PLBD1: variants seen among roughly 807,000 people sequenced by gnomAD.
The protein encoded by PLBD1 is lysosomal leucine aminopeptidase.
Under a neutral mutation model 63.0 loss-of-function variants are expected in PLBD1, and 60 were observed. That is an observed-to-expected ratio of 0.95 (90% CI 0.77 to 1.18). The LOEUF is 1.18. PLBD1 is among the 50% of genes most tolerant of loss of function. The pLI is 0.00. For synonymous variants in PLBD1, 262 were observed against 248.0 expected (o/e 1.06, Z -0.53); for missense variants, 598 against 677.9 (o/e 0.88, Z 1.31).
intron 4 of PLBD1, among the ~76,000 whole-genome samples, chr12:14,537,889 TTTA>T: frequency 2.3e-4 from 1 of 4,306 alleles, no homozygotes; most frequent in East Asian, 0.25. Context: ...AGTCTCCTCC[TTTA>T]CCTGTTCTCC....
intron 6 of PLBD1, among the ~76,000 whole-genome samples, chr12:14,518,349 C>A (rs989778515): frequency 6.6e-6 from 1 of 152,158 alleles, no homozygotes; most frequent in Admixed American, 6.5e-5. Flanking sequence ...AACTTAAATT[C>A]TGCCTAATTC....
chr12:14,553,235 A>G lies in PLBD1; in HGVS notation c.293T>C (p.Ile98Thr). The G allele has an allele frequency of 6.2e-7, 1 of 1,613,978 alleles. No individual in the cohort carries two copies. The highest frequency in any genetic ancestry group is 8.5e-7 in the Non-Finnish European group (1 of 1,179,968). Reference protein sequence around the residue: ...YGSQTLSNEIIMFVAGFLEGY... With the variant: ...YGSQTLSNEITMFVAGFLEGY... ...CTCCAAAAAGCCAGCCACAAACATGATGATCTCATTGCTCAGGGTTTGAGA... is the reference window on the plus strand; with the variant it reads ...CTCCAAAAAGCCAGCCACAAACATGGTGATCTCATTGCTCAGGGTTTGAGA... The change falls in exon 2 of 11, where the codon ATC becomes ACC. Residue 98 changes from isoleucine to threonine, a missense_variant. Transcript: ENST00000240617.
intron 1 of PLBD1, among the ~76,000 whole-genome samples, chr12:14,560,229 T>A (rs1323653507): frequency 2.6e-5 from 4 of 152,144 alleles, no homozygotes; most frequent in Non-Finnish European, 5.9e-5. Context: ...GGAAAAAAAA[T>A]GTATAAAATA....
intron 6 of PLBD1, among the ~76,000 whole-genome samples, chr12:14,533,513 A>G (rs968072719): frequency 6.6e-5 from 10 of 152,228 alleles, no homozygotes; most frequent in Non-Finnish European, 1.2e-4. Context: ...GACCTTCTCC[A>G]TCACTACCTC....
intron 6 of PLBD1, among the ~76,000 whole-genome samples, chr12:14,523,520 A>C (rs576536924): frequency 6.6e-5 from 10 of 152,334 alleles, no homozygotes; most frequent in African/African-American, 2.4e-4. Context: ...CAAATAGTCA[A>C]AGCAATCTTG....
chr12:14,540,803 A>C lies in PLBD1; in HGVS notation c.519T>G (p.Tyr173Ter). The C allele has an allele frequency of 6.2e-7, 1 of 1,610,550 alleles. No homozygotes were observed. Among genetic ancestry groups the C allele is most frequent in the East Asian group, 2.2e-5 (1 of 44,812 alleles). The part of the protein sequence containing the change: ...GYVMAQIDGL[Y>*]VGAKKRAILE... ...ATATAGCCCTCTTCTTTGCTCCTAC[A>C]TAGAGGCCATCTATTTGTGCCATCA... Residue 173 changes from tyrosine (Y) to a stop codon, truncating the protein, a stop_gained, in exon 4 of 11, where the codon TAT (tyrosine) becomes TAG (stop). Transcript: ENST00000240617. LOFTEE classifies it high-confidence loss of function.
intron 6 of PLBD1, among the ~76,000 whole-genome samples, chr12:14,518,843 T>G (rs1317161537): frequency 6.6e-6 from 1 of 152,120 alleles, no homozygotes; most frequent in Non-Finnish European, 1.5e-5. Context: ...GAGAGATAAC[T>G]TACTTGGCCT....
chr12:14,566,994 C>A (rs1406567354), intron 1 of PLBD1, among the ~76,000 whole-genome samples: 1 of 151,988 alleles, frequency 6.6e-6, no homozygotes, highest in African/African-American at 2.4e-5. Flanking sequence ...ACTTGGGAAG[C>A]TGAGGGAGGA....
chr12:14,533,244 A>T (rs1945480951), intron 6 of PLBD1: 1 of 152,258 alleles, frequency 6.6e-6, no homozygotes, highest in Admixed American at 6.5e-5. Context: ...AAGTTGTAAC[A>T]TAAATGAGAC....
At chr12:14,517,544 C>A (rs1945346296) in intron 6 of PLBD1, among the ~76,000 whole-genome samples, 1 of 152,070 alleles carries the variant, frequency 6.6e-6, no homozygotes, top group Admixed American at 6.5e-5. Flanking sequence ...ATTGCCTTTG[C>A]ACCCAGTCCT....
At position 14,567,744 on chromosome 12, in the gene PLBD1, G is replaced by A. The variant is rs1945806963; in HGVS notation, c.-48C>T. On this transcript the variant is annotated 5_prime_UTR_variant, in exon 1 of 11. Transcript: ENST00000240617. Reference sequence around the variant, plus strand: ...TCTGCGGGATCAGGCGGCCGCGGTGGCCCGCGGTGGCAGAAGTTGCAAGAG... The same window carrying A: ...TCTGCGGGATCAGGCGGCCGCGGTGACCCGCGGTGGCAGAAGTTGCAAGAG... 3 of 1,382,932 alleles carry A rather than the reference G, an allele frequency of 2.2e-6. No homozygotes were observed. The highest frequency in any genetic ancestry group is 2.7e-4 in the Middle Eastern group (1 of 3,748). The allele number at this position is 1,382,932 out of a possible 1,614,324, so 85.7% of individuals were successfully genotyped here. A position where few individuals can be genotyped will look rare whatever the true frequency, so the allele number is the denominator to read the frequency against.
chr12:14,542,707 A>G (rs932557963), intron 2 of PLBD1, among the ~76,000 whole-genome samples: 5 of 152,210 alleles, frequency 3.3e-5, no homozygotes, highest in African/African-American at 4.8e-5. Context: ...ACATTTAACC[A>G]TAAATAATGT....
At chr12:14,553,169 C>T (rs1421194131) in intron 2 of PLBD1, 24 bp downstream of exon 2, 15 of 1,585,178 alleles carry the variant, frequency 9.5e-6, no homozygotes, top group Admixed American at 3.6e-5. Context: ...CTGGCAGTGG[C>T]TCTACCATGA....
intron 6 of PLBD1, among the ~76,000 whole-genome samples, chr12:14,533,759 A>C (rs1340045729): frequency 2.0e-5 from 3 of 152,248 alleles, no homozygotes; most frequent in Non-Finnish European, 4.4e-5. Context: ...AAAACAACTA[A>C]GCAAACTAAG....
chr12:14,562,091 C>A (rs1211574422), intron 1 of PLBD1, among the ~76,000 whole-genome samples: 1 of 152,182 alleles, frequency 6.6e-6, no homozygotes, highest in Non-Finnish European at 1.5e-5. Flanking sequence ...CAGAGCCAGC[C>A]TGTCTCTTTC....
intron 6 of PLBD1, among the ~76,000 whole-genome samples, chr12:14,516,447 C>T (rs993462386): frequency 6.6e-6 from 1 of 152,098 alleles, no homozygotes; most frequent in Non-Finnish European, 1.5e-5. Flanking sequence ...ATTCAGTATG[C>T]TAGGATGGTC....
intron 4 of PLBD1, among the ~76,000 whole-genome samples, chr12:14,539,804 T>G (rs1406050307): frequency 6.7e-6 from 1 of 149,690 alleles, no homozygotes; most frequent in Non-Finnish European, 1.5e-5. Context: ...AAAGTTAGAG[T>G]CTTACTGTAT....
rs115324421 is a variant in PLBD1, at chr12:14,562,413, T to C, written c.115+5169A>G. ...AGGTGGAGGTCACAGTGAGTTGAGATTGCAGCACTGCGGTCCAGCCTGAGT... is the reference window on the plus strand; with the variant it reads ...AGGTGGAGGTCACAGTGAGTTGAGACTGCAGCACTGCGGTCCAGCCTGAGT... On this transcript the variant is annotated intron_variant, in intron 1 of 10. Coordinates refer to ENST00000240617, the MANE Select transcript of PLBD1 (RefSeq NM_024829.6). 5.3e-3 allele frequency among the ~76,000 whole-genome samples: 785 copies of C among 148,604 alleles called. 7 individuals carry two copies. The highest frequency in any genetic ancestry group is 0.019 in the African/African-American group (761 of 40,282).
chr12:14,562,129 C>T (rs1448881936), intron 1 of PLBD1, among the ~76,000 whole-genome samples: 1 of 152,170 alleles, frequency 6.6e-6, no homozygotes, highest in African/African-American at 2.4e-5. Context: ...GTTTTCATCT[C>T]TCTCAATCAA....
Sources: gnomAD v4.1 joint callset for allele counts (sites outside exome capture counted in the v4.1 genomes callset) on GRCh38, gnomAD v4.1.1 for gene constraint, MANE v1.5 for transcripts, NCBI Gene and HGNC (gene_info 2026-07-23, HGNC 2026-07-21) for gene names.